The following CSMD3 variants were observed in gnomAD, a reference collection of about 807,000 sequenced individuals.
The protein encoded by CSMD3 is CUB and Sushi multiple domains 3, also known as CUB and sushi domain-containing protein 3.
CSMD3 carries 177 observed loss-of-function variants against 435.2 expected under a neutral mutation model. That is an observed-to-expected ratio of 0.41 (90% CI 0.36 to 0.46). The LOEUF (loss-of-function observed/expected upper bound fraction) is 0.46, where lower values mean the gene tolerates loss of function less well. CSMD3 is among the 20% of genes least tolerant of loss of function. CSMD3 has a pLI of 0.34. For missense variants in CSMD3, 4,265 were observed against 4,504.6 expected (o/e 0.95, Z 1.52); for synonymous variants, 1,656 against 1,520.5 (o/e 1.09, Z -2.07).
At chr8:112,266,691 GA>G (rs1361283915) in intron 59 of CSMD3, among the ~76,000 whole-genome samples, 1 of 152,044 alleles carries the variant, frequency 6.6e-6, no homozygotes, top group African/African-American at 2.4e-5. Context: ...AGAAAGACTT[GA>G]GACAGCTTAG....
chr8:112,604,365 T>C (rs1832624715), intron 22 of CSMD3, among the ~76,000 whole-genome samples: 1 of 151,986 alleles, frequency 6.6e-6, no homozygotes, highest in African/African-American at 2.4e-5. Flanking sequence ...AAAAATGTCA[T>C]TGATAGTTTG....
intron 35 of CSMD3, among the ~76,000 whole-genome samples, chr8:112,402,797 A>G (rs1388296068): frequency 6.6e-6 from 1 of 152,198 alleles, no homozygotes; most frequent in Non-Finnish European, 1.5e-5. Flanking sequence ...GATTTCAAGC[A>G]ATGTAATTTC....
At chr8:113,376,832 G>A (rs760207284) in intron 1 of CSMD3, 102 of 1,612,914 alleles carry the variant, frequency 6.3e-5, no homozygotes, top group Non-Finnish European at 8.3e-5. Context: ...TTTATGAGTC[G>A]CAACAACCGG....
At chr8:113,245,221 CTT>C (rs1454870604) in intron 3 of CSMD3, among the ~76,000 whole-genome samples, 9 of 152,072 alleles carry the variant, frequency 5.9e-5, no homozygotes, top group Non-Finnish European at 4.4e-5. Context: ...ATGTTTGCCT[CTT>C]GATTGAAATG....
chr8:113,253,460 A>C (rs1053829825), intron 3 of CSMD3, among the ~76,000 whole-genome samples: 1 of 151,782 alleles, frequency 6.6e-6, no homozygotes, highest in African/African-American at 2.4e-5. Flanking sequence ...TGACTTTTTA[A>C]ATTTAAAACT....
rs888800223 is a variant in CSMD3 at position 112,420,982 on chromosome 8, C to T, written c.5396-11950G>A. Among the ~76,000 whole-genome samples the T allele has an allele frequency of 3.9e-5, 6 of 152,172 alleles. 1 individual carries two copies. The highest frequency in any genetic ancestry group is 3.3e-4 in the Admixed American group (5 of 15,258). On this transcript the variant is annotated intron_variant, in intron 32 of 70. Coordinates refer to ENST00000297405, the MANE Select transcript of CSMD3 (RefSeq NM_198123.2). ...TTTTCTGCAGGCAAAGTACCCTCAACCCCTCAACTTTCAAAGTTCCATTTA... is the reference window on the plus strand; with the variant it reads ...TTTTCTGCAGGCAAAGTACCCTCAATCCCTCAACTTTCAAAGTTCCATTTA...
intron 12 of CSMD3, among the ~76,000 whole-genome samples, chr8:112,809,087 T>C (rs2079160809): frequency 6.6e-6 from 1 of 152,200 alleles, no homozygotes; most frequent in Admixed American, 6.5e-5. Context: ...TTTGAACTAA[T>C]GGTTGCCAGA....
At chr8:113,083,203 T>C (rs185716228) in intron 5 of CSMD3, among the ~76,000 whole-genome samples, 1 of 151,910 alleles carries the variant, frequency 6.6e-6, no homozygotes, top group Non-Finnish European at 1.5e-5. Flanking sequence ...ATATTGAAAC[T>C]GCCAAAATCA....
intron 3 of CSMD3, among the ~76,000 whole-genome samples, chr8:113,247,589 G>A (rs1450931611): frequency 1.3e-5 from 2 of 152,000 alleles, no homozygotes; most frequent in Non-Finnish European, 2.9e-5. Flanking sequence ...AATGAATTTT[G>A]ACAATTTTTG....
At chr8:112,597,644 T>C (rs1353436074) in intron 22 of CSMD3, among the ~76,000 whole-genome samples, 43,199 of 96,126 alleles carry the variant, frequency 0.45, 10,757 homozygotes, top group African/African-American at 0.56. Flanking sequence ...CCGAATCCAG[T>C]AGCACATCGA....
intron 36 of CSMD3, among the ~76,000 whole-genome samples, chr8:112,387,727 T>G (rs1830098482): frequency 1.3e-5 from 2 of 152,068 alleles, no homozygotes; most frequent in Non-Finnish European, 2.9e-5. Flanking sequence ...TTAGTGTTAT[T>G]CATATGTGTC....
chr8:113,118,748 T>A (rs986101365), intron 4 of CSMD3, among the ~76,000 whole-genome samples: 7 of 152,204 alleles, frequency 4.6e-5, no homozygotes, highest in African/African-American at 1.7e-4. Flanking sequence ...GTTTTCTGAC[T>A]TCTTTATCAG....
intron 22 of CSMD3, among the ~76,000 whole-genome samples, chr8:112,629,943 T>C (rs906063705): frequency 5.3e-5 from 8 of 152,168 alleles, no homozygotes; most frequent in Non-Finnish European, 8.8e-5. Context: ...GCTGGCTTGA[T>C]GAAGTAAGCA....
intron 50 of CSMD3, among the ~76,000 whole-genome samples, chr8:112,306,635 C>A (rs933203974): frequency 1.3e-5 from 2 of 152,086 alleles, no homozygotes; most frequent in Non-Finnish European, 1.5e-5. Flanking sequence ...TAATTTTGGT[C>A]AGGAATAAAT....
intron 22 of CSMD3, among the ~76,000 whole-genome samples, chr8:112,609,201 C>CAAAAAAAAAAAAAAAAAAAAAAAAAAAA (rs71566035): frequency 9.3e-5 from 4 of 43,106 alleles, no homozygotes; most frequent in Non-Finnish European, 1.7e-4. Context: ...GATACTGCCT[C>CAAAAAAAAAAAAAAAAAAAAAAAAAAAA]AAAAAAAAAA....
At position 113,314,620 on chromosome 8, in the gene CSMD3, A is replaced by C. The variant is rs756680486; in HGVS notation, c.352T>G (p.Tyr118Asp). Residue 118 changes from tyrosine to aspartate, a missense_variant, in exon 2 of 71, where the codon TAC becomes GAC. By Grantham distance (160) the Tyr-to-Asp change is radical (BLOSUM62 -3). Transcript: ENST00000297405. ...GGATGTCCATCATATAATGATAAGT[A>C]GTCGTATTCTTCTTCTAGAGCAAAT... Reference protein sequence around the residue: ...QSFALEEEYDYLSLYDGHPHP... With the variant: ...QSFALEEEYDDLSLYDGHPHP... 6.2e-7 allele frequency: 1 copy of C among 1,610,186 alleles called. No homozygotes were observed. The highest frequency in any genetic ancestry group is 8.5e-7 in the Non-Finnish European group (1 of 1,176,622).
intron 32 of CSMD3, among the ~76,000 whole-genome samples, chr8:112,466,835 T>A (rs1204448961): frequency 6.6e-6 from 1 of 152,076 alleles, no homozygotes; most frequent in African/African-American, 2.4e-5. Flanking sequence ...TAAAAATTAA[T>A]GAAATAGTTG....
intron 5 of CSMD3, among the ~76,000 whole-genome samples, chr8:113,052,379 T>A (rs1047079896): frequency 6.6e-6 from 1 of 152,224 alleles, no homozygotes; most frequent in Non-Finnish European, 1.5e-5. Flanking sequence ...TAGGTATCTG[T>A]AAGTAAAGGA....
At chr8:112,376,871 C>T (rs187152294) in intron 38 of CSMD3, among the ~76,000 whole-genome samples, 7 of 152,164 alleles carry the variant, frequency 4.6e-5, no homozygotes, top group Admixed American at 2.0e-4. Flanking sequence ...TGGTAAACTG[C>T]TATGAAAGAT....
Sources: gnomAD v4.1 joint callset for allele counts (sites outside exome capture counted in the v4.1 genomes callset) on GRCh38, gnomAD v4.1.1 for gene constraint, MANE v1.5 for transcripts, NCBI Gene and HGNC (gene_info 2026-07-23, HGNC 2026-07-21) for gene names.